The following NOD1 variants were observed in gnomAD, a reference collection of about 807,000 sequenced individuals.
NOD1 encodes nucleotide-binding oligomerization domain-containing protein 1.
NOD1 carries 70 observed loss-of-function variants against 81.2 expected under a neutral mutation model. The ratio of observed to expected loss-of-function variants is 0.86; its 90% CI spans 0.71 to 1.05. NOD1 has a LOEUF of 1.05. Ranked by LOEUF, NOD1 falls within the 50% of genes least tolerant of loss-of-function variation. The pLI is 0.00. For synonymous variants in NOD1, 508 were observed against 526.9 expected (o/e 0.96, Z 0.49); for missense variants, 1,233 against 1,228.0 (o/e 1.00, Z -0.06).
intron 1 of NOD1, among the ~76,000 whole-genome samples, chr7:30,475,002 C>T (rs1021701081): frequency 6.6e-6 from 1 of 152,170 alleles, no homozygotes; most frequent in Non-Finnish European, 1.5e-5. Context: ...TAGCTTTCCC[C>T]CAGTTCCTTC....
intron 1 of NOD1, among the ~76,000 whole-genome samples, chr7:30,472,809 T>G (rs1225801525): frequency 6.6e-6 from 1 of 152,224 alleles, no homozygotes; most frequent in Non-Finnish European, 1.5e-5. Context: ...GAGATAAATG[T>G]TTGTTGCTTA....
chr7:30,461,106 T>A (rs1291329698), intron 1 of NOD1, among the ~76,000 whole-genome samples: 1 of 152,260 alleles, frequency 6.6e-6, no homozygotes, highest in African/African-American at 2.4e-5. Context: ...ACAGGTGAAA[T>A]TAATTTCAAT....
rs1294780555 is a variant in NOD1 at position 30,435,967 on chromosome 7, A to G, written c.2621+31T>C. ...AGCAAGACCCTATCACAGAAAAACA[A>G]ACAAACAAATGAAATGACTCGAGCT... On this transcript the variant is annotated intron_variant, in intron 11 of 13. Coordinates refer to ENST00000222823, the MANE Select transcript of NOD1 (RefSeq NM_006092.4). The G allele has an allele frequency of 2.5e-6, 4 of 1,581,488 alleles. No individual in the cohort carries two copies. The East Asian group carries it at 6.7e-5, about 27-fold the overall frequency.
At chr7:30,477,140 G>C (rs1181292299) in intron 1 of NOD1, among the ~76,000 whole-genome samples, 1 of 152,222 alleles carries the variant, frequency 6.6e-6, no homozygotes, top group Non-Finnish European at 1.5e-5. Context: ...TTTTGACCCA[G>C]ATTTGATGGG....
chr7:30,427,665 T>C (rs1783573018), intron 13 of NOD1, among the ~76,000 whole-genome samples: 1 of 152,210 alleles, frequency 6.6e-6, no homozygotes. Context: ...CTCTCCACCC[T>C]GACACAAGTG....
chr7:30,452,630 G>C lies in NOD1; in HGVS notation c.787C>G (p.Arg263Gly). Reference protein sequence around the residue: ...LLFKHYCYPERDPEEVFAFLL... With the variant: ...LLFKHYCYPEGDPEEVFAFLL... ...AAGGCAAACACCTCCTCGGGGTCCCGCTCTGGGTAGCAGTAGTGCTTGAAG... is the reference window on the plus strand; with the variant it reads ...AAGGCAAACACCTCCTCGGGGTCCCCCTCTGGGTAGCAGTAGTGCTTGAAG... The change falls in exon 6 of 14, where the codon CGG becomes GGG. Residue 263 changes from arginine (R) to glycine (G), a missense_variant. Transcript: ENST00000222823. The C allele has an allele frequency of 1.9e-6, 3 of 1,613,712 alleles. No homozygotes were observed. The highest frequency in any genetic ancestry group is 1.7e-6 in the Non-Finnish European group (2 of 1,180,036).
At chr7:30,438,854 G>A (rs995275794) in intron 9 of NOD1, among the ~76,000 whole-genome samples, 1 of 152,240 alleles carries the variant, frequency 6.6e-6, no homozygotes, top group East Asian at 1.9e-4. Flanking sequence ...GAGAGAGAAG[G>A]GAGAGAAAGT....
In NOD1 at chr7:30,452,816, G is replaced by C. The variant is rs1485138900; in HGVS notation, c.601C>G (p.Leu201Val). 6.2e-7 allele frequency: 1 copy of C among 1,614,150 alleles called. No homozygotes were observed. Among genetic ancestry groups the C allele is most frequent in the Non-Finnish European group, 8.5e-7 (1 of 1,180,034 alleles). ...GACTTGCCCACCCCAGCATCACCCA[G>C]GATGAAGATGGTCTCACCCTGCTCA... ...LNEQGETIFI[L>V]GDAGVGKSML... The change falls in exon 6 of 14, where the codon CTG (leucine) becomes GTG (valine). Residue 201 changes from leucine (L) to valine (V), a missense_variant. Coordinates refer to ENST00000222823, the MANE Select transcript of NOD1 (RefSeq NM_006092.4).
At chr7:30,468,224 T>C (rs1200564339) in intron 1 of NOD1, among the ~76,000 whole-genome samples, 1 of 152,220 alleles carries the variant, frequency 6.6e-6, no homozygotes, top group Non-Finnish European at 1.5e-5. Flanking sequence ...TTCATTTCCT[T>C]TGTCTTGTAT....
chr7:30,455,089 G>A (rs1786200418), intron 5 of NOD1, 48 bp downstream of exon 5: 2 of 1,587,066 alleles, frequency 1.3e-6, no homozygotes, highest in South Asian at 1.1e-5. Context: ...AACCCCCCAG[G>A]GCCCTGCTTG....
In NOD1 at chr7:30,445,524, C is replaced by T. The variant is rs540552215; in HGVS notation, c.2453+617G>A. Among the ~76,000 whole-genome samples the T allele has an allele frequency of 1.3e-4, 19 of 151,726 alleles. No individual in the cohort carries two copies. The South Asian group carries it at 3.7e-3, about 30-fold the overall frequency. Reference sequence around the variant, plus strand: ...CTATAATCCTGACACTTTGGGAGACCGAGGTGGGTGGATCATTTGAGGTCA... The same window carrying T: ...CTATAATCCTGACACTTTGGGAGACTGAGGTGGGTGGATCATTTGAGGTCA... On this transcript the variant is annotated intron_variant, in intron 9 of 13. Coordinates refer to ENST00000222823, the MANE Select transcript of NOD1 (RefSeq NM_006092.4).
rs771092488 is a variant in NOD1 at position 30,452,214 on chromosome 7, G to C, written c.1203C>G (p.Phe401Leu). The change falls in exon 6 of 14, where the codon TTC (phenylalanine) becomes TTG (leucine). Residue 401 changes from phenylalanine (F) to leucine (L), a missense_variant. By Grantham distance (22) the Phe-to-Leu change is conservative. Coordinates refer to ENST00000222823, the MANE Select transcript of NOD1 (RefSeq NM_006092.4). Reference protein sequence around the residue: ...PLFCWIIFRCFQHFRAAFEGS... With the variant: ...PLFCWIIFRCLQHFRAAFEGS... ...CTTCAAAGGCAGCACGGAAGTGCTGGAAGCACCGGAAGATGATCCAGCAGA... is the reference window on the plus strand; with the variant it reads ...CTTCAAAGGCAGCACGGAAGTGCTGCAAGCACCGGAAGATGATCCAGCAGA... 15 of 1,613,886 alleles carry C rather than the reference G, an allele frequency of 9.3e-6. No homozygotes were observed. The highest frequency in any genetic ancestry group is 1.3e-5 in the Non-Finnish European group (15 of 1,180,022).
chr7:30,436,361 A>G (rs1349180469), intron 10 of NOD1, among the ~76,000 whole-genome samples: 1 of 152,246 alleles, frequency 6.6e-6, no homozygotes, highest in Non-Finnish European at 1.5e-5. Flanking sequence ...GTTTCTGCAC[A>G]TGGGCAGGAG....
chr7:30,438,536 A>T (rs1014619167), intron 9 of NOD1, among the ~76,000 whole-genome samples: 4 of 152,250 alleles, frequency 2.6e-5, no homozygotes, highest in African/African-American at 9.6e-5. Context: ...TACACACAAC[A>T]GAACAAGTTC....
At chr7:30,465,593 C>G (rs1787613089) in intron 1 of NOD1, among the ~76,000 whole-genome samples, 1 of 152,094 alleles carries the variant, frequency 6.6e-6, no homozygotes, top group African/African-American at 2.4e-5. Flanking sequence ...TTCCCATCAT[C>G]AACACTGGCC....
chr7:30,451,618 T>G lies in NOD1; in HGVS notation c.1799A>C (p.Lys600Thr). The G allele has an allele frequency of 6.2e-7, 1 of 1,613,946 alleles. No individual in the cohort carries two copies. The highest frequency in any genetic ancestry group is 8.5e-7 in the Non-Finnish European group (1 of 1,180,030). The change falls in exon 6 of 14, where the codon AAA (lysine) becomes ACA (threonine). Residue 600 changes from lysine (K) to threonine (T), a missense_variant. By Grantham distance (78) the Lys-to-Thr change is moderately conservative. Coordinates refer to ENST00000222823, the MANE Select transcript of NOD1 (RefSeq NM_006092.4). This position sits in a 1 kb window ranked among gnomAD's most constrained non-coding sequence, Gnocchi z 4.2. The part of the protein sequence containing the change: ...LFLCGLLSKA[K>T]QKLLRHLVPA... Reference sequence around the variant, plus strand: ...CACCAGATGCCGCAGGAGTTTCTGTTTGGCTTTGGACAACAGCCCGCACAG... The same window carrying G: ...CACCAGATGCCGCAGGAGTTTCTGTGTGGCTTTGGACAACAGCCCGCACAG...
chr7:30,457,420 C>G (rs552491716), intron 3 of NOD1, among the ~76,000 whole-genome samples: 1 of 152,232 alleles, frequency 6.6e-6, no homozygotes, highest in African/African-American at 2.4e-5. Context: ...CACTGCACTC[C>G]AGCCTGGGTG....
Position 30,446,091 on chromosome 7 carries a change from C to CG in NOD1, c.2453+49_2453+50insC, listed in dbSNP as rs774277953. 39 of 1,396,300 alleles carry CG rather than the reference C, an allele frequency of 2.8e-5. 1 individual carries two copies. In the Middle Eastern group the frequency reaches 5.3e-4, roughly 19 times the overall value. 86.5% of individuals were successfully genotyped at this position (1,396,300 alleles called of 1,614,324 possible). ...ATGAAAAGAACAGCAAGGCCCGCCCCCCACACACACAGCAGGTTGTACCAC... is the reference window on the plus strand; with the variant it reads ...ATGAAAAGAACAGCAAGGCCCGCCCCGCCACACACACAGCAGGTTGTACCAC... On this transcript the variant is annotated intron_variant, in intron 9 of 13. Transcript: ENST00000222823.
At chr7:30,427,117 A>T (rs1459732932) in intron 13 of NOD1, among the ~76,000 whole-genome samples, 2 of 152,162 alleles carry the variant, frequency 1.3e-5, no homozygotes, top group Non-Finnish European at 2.9e-5. Flanking sequence ...GCGTTTCGTT[A>T]TTCAAGGAAT....
Sources: gnomAD v4.1 joint callset for allele counts (sites outside exome capture counted in the v4.1 genomes callset) on GRCh38, gnomAD v4.1.1 for gene constraint, Gnocchi (gnomAD v3.1) non-coding constraint, MANE v1.5 for transcripts, NCBI Gene and HGNC (gene_info 2026-07-23, HGNC 2026-07-21) for gene names.